Variants in LINC00305 observed in about 807,000 individuals in gnomAD.
LINC00305 encodes the protein long independently transcribed non-coding RNA 305, also known as long intergenic non-protein coding RNA 305.
At chr18:64,094,852 T>A in intron 3 of LINC00305, among the ~76,000 whole-genome samples, 1 of 149,454 alleles carries the variant, frequency 6.7e-6, no homozygotes. Context: ...AGACTTCATC[T>A]CAAAAAATAA....
Position 64,117,252 on chromosome 18 carries a change from C to T in LINC00305, n.315-18612G>A, listed in dbSNP as rs73962144. Among the ~76,000 whole-genome samples, 729 of 152,290 alleles carry T rather than the reference C, an allele frequency of 4.8e-3. 7 individuals carry two copies. Among genetic ancestry groups the T allele is most frequent in the African/African-American group, 0.017 (698 of 41,546 alleles). ...TTAGTTAAATTATCATCCCCAAAGC[C>T]TTCCAGGTTAGCAATAATTAGACAG... On this transcript the variant is annotated intron_variant and non_coding_transcript_variant, in intron 1 of 3. Transcript: ENST00000666468.
chr18:64,082,507 G>A (rs994119306), intron 3 of LINC00305, among the ~76,000 whole-genome samples: 4 of 152,088 alleles, frequency 2.6e-5, no homozygotes, highest in African/African-American at 4.8e-5. Context: ...TGCAATTCCC[G>A]TGTCTAGATA....
At chr18:64,143,859 CATA>C (rs1407001159) in intron 1 of LINC00305, among the ~76,000 whole-genome samples, 1 of 151,688 alleles carries the variant, frequency 6.6e-6, no homozygotes, top group Non-Finnish European at 1.5e-5. Context: ...TACATACATA[CATA>C]CATACATATA....
At chr18:64,100,927 A>G (rs2051265748) in intron 1 of LINC00305, among the ~76,000 whole-genome samples, 1 of 152,068 alleles carries the variant, frequency 6.6e-6, no homozygotes, top group Admixed American at 6.6e-5. Flanking sequence ...TATTTTATGG[A>G]GAAAACAGGG....
intron 3 of LINC00305, among the ~76,000 whole-genome samples, chr18:64,089,804 T>G (rs923966148): frequency 3.3e-5 from 5 of 152,172 alleles, no homozygotes; most frequent in African/African-American, 9.7e-5. Flanking sequence ...AAGAGAGAGC[T>G]TGTGCAGGGA....
At chr18:64,142,389 G>A (rs1385294065) in intron 1 of LINC00305, among the ~76,000 whole-genome samples, 1 of 152,188 alleles carries the variant, frequency 6.6e-6, no homozygotes, top group Non-Finnish European at 1.5e-5. Context: ...CAGGGTAAGT[G>A]AGGAATGAGG....
At chr18:64,081,226 A>C (rs2051183794) in intron 3 of LINC00305, among the ~76,000 whole-genome samples, 1 of 152,270 alleles carries the variant, frequency 6.6e-6, no homozygotes, top group African/African-American at 2.4e-5. Context: ...GTACTCTGCA[A>C]ATAGAGTATA....
intron 1 of LINC00305, among the ~76,000 whole-genome samples, chr18:64,129,382 G>A (rs1365284133): frequency 1.3e-5 from 2 of 152,018 alleles, no homozygotes; most frequent in Admixed American, 1.3e-4. Context: ...TTGGGGGTAT[G>A]GGGATAGGTT....
At chr18:64,133,341 G>A (rs2051418608) in intron 1 of LINC00305, among the ~76,000 whole-genome samples, 1 of 152,206 alleles carries the variant, frequency 6.6e-6, no homozygotes, top group African/African-American at 2.4e-5. Flanking sequence ...ATGGAGAAGA[G>A]CAGTCAGATT....
At chr18:64,127,787 T>C (rs2051391878) in intron 1 of LINC00305, among the ~76,000 whole-genome samples, 1 of 152,172 alleles carries the variant, frequency 6.6e-6, no homozygotes, top group African/African-American at 2.4e-5. Context: ...TTCCCATGTG[T>C]GTTTCTGCAT....
chr18:64,137,184 G>A (rs2051438854), intron 1 of LINC00305, among the ~76,000 whole-genome samples: 1 of 152,160 alleles, frequency 6.6e-6, no homozygotes, highest in Admixed American at 6.5e-5. Flanking sequence ...GGAGGAAACT[G>A]GAGTGAGGCA....
chr18:64,128,922 G>T (rs761473232), intron 1 of LINC00305, among the ~76,000 whole-genome samples: 3 of 152,076 alleles, frequency 2.0e-5, no homozygotes, highest in Non-Finnish European at 2.9e-5. Flanking sequence ...TATTGTCCCT[G>T]AAATGAGGAG....
At chr18:64,143,953 G>A (rs2051484810) in intron 1 of LINC00305, among the ~76,000 whole-genome samples, 1 of 151,872 alleles carries the variant, frequency 6.6e-6, no homozygotes, top group Admixed American at 6.6e-5. Flanking sequence ...TACAAATACA[G>A]GTGAATTTAA....
intron 3 of LINC00305, among the ~76,000 whole-genome samples, chr18:64,091,239 CTGATAGACATAATATA>C (rs1249871654): frequency 1.3e-5 from 2 of 152,222 alleles, no homozygotes; most frequent in African/African-American, 4.8e-5. Flanking sequence ...CCCCTGCTTA[CTGATAGACATAATATA>C]TGCTTTCCTT....
intron 1 of LINC00305, among the ~76,000 whole-genome samples, chr18:64,114,246 G>A (rs1038820976): frequency 6.6e-6 from 1 of 152,164 alleles, no homozygotes; most frequent in Non-Finnish European, 1.5e-5. Context: ...CTCCAGCCTG[G>A]GCGACAGAAA....
intron 3 of LINC00305, among the ~76,000 whole-genome samples, chr18:64,095,103 G>A (rs1166119341): frequency 6.6e-6 from 1 of 151,982 alleles, no homozygotes; most frequent in Non-Finnish European, 1.5e-5. Flanking sequence ...AAAGGGCAAA[G>A]CAATTTTAAA....
At chr18:64,083,698 T>C (rs1599202907) in intron 3 of LINC00305, among the ~76,000 whole-genome samples, 1 of 152,284 alleles carries the variant, frequency 6.6e-6, no homozygotes, top group East Asian at 1.9e-4. Context: ...TCTCTTCTAG[T>C]AGAGCATGAG....
intron 3 of LINC00305, among the ~76,000 whole-genome samples, chr18:64,090,388 T>G (rs1016881260): frequency 6.6e-6 from 1 of 152,204 alleles, no homozygotes; most frequent in Admixed American, 6.5e-5. Context: ...TCTCCTGGTG[T>G]TCCTGTTAAG....
At chr18:64,106,530 C>T (rs1453724988) in intron 1 of LINC00305, among the ~76,000 whole-genome samples, 2 of 152,166 alleles carry the variant, frequency 1.3e-5, no homozygotes, top group East Asian at 3.8e-4. Flanking sequence ...CCCCTTCCTC[C>T]ATTGTCATCT....
Sources: allele counts gnomAD v4.1 joint callset (sites outside exome capture counted in the v4.1 genomes callset), GRCh38; gene constraint gnomAD v4.1.1; transcripts MANE v1.5; gene names NCBI Gene and HGNC (gene_info 2026-07-23, HGNC 2026-07-21).